Variants in GULP1 observed in about 807,000 individuals in gnomAD.
GULP1 encodes the protein PTB domain-containing engulfment adapter protein 1.
A neutral mutation model predicts 40.9 loss-of-function variants in GULP1; 19 were observed. The observed-to-expected ratio is 0.46, with a 90% CI of 0.32 to 0.68. The LOEUF (loss-of-function observed/expected upper bound fraction) is 0.68, where lower values mean the gene tolerates loss of function less well. GULP1 is among the 30% of genes least tolerant of loss of function. The pLI is 0.03. For synonymous variants in GULP1, 119 were observed against 117.6 expected (o/e 1.01, Z -0.08); for missense variants, 312 against 362.2 (o/e 0.86, Z 1.12).
At chr2:188,322,027 A>AAAAT (rs1427004517) in intron 1 of GULP1, among the ~76,000 whole-genome samples, 22 of 152,264 alleles carry the variant, frequency 1.4e-4, no homozygotes, top group Middle Eastern at 3.4e-3. Context: ...CTCTGTCTCA[A>AAAAT]AAATAAATAA....
At chr2:188,376,041 T>C (rs1008368584) in intron 1 of GULP1, among the ~76,000 whole-genome samples, 5 of 152,064 alleles carry the variant, frequency 3.3e-5, no homozygotes, top group Non-Finnish European at 7.4e-5. Flanking sequence ...CCATTTGAGT[T>C]TGATTTCAGA....
At chr2:188,551,149 G>A (rs1241162620) in intron 7 of GULP1, among the ~76,000 whole-genome samples, 1 of 151,580 alleles carries the variant, frequency 6.6e-6, no homozygotes, top group Non-Finnish European at 1.5e-5. Context: ...GTGAAACATT[G>A]TTACATGGAT....
At chr2:188,451,640 A>G (rs2058839469) in intron 2 of GULP1, among the ~76,000 whole-genome samples, 1 of 152,114 alleles carries the variant, frequency 6.6e-6, no homozygotes, top group Admixed American at 6.6e-5. Context: ...TCTCAATATT[A>G]ATGTCAAAAT....
At chr2:188,481,199 G>A (rs1172779966) in intron 3 of GULP1, among the ~76,000 whole-genome samples, 3 of 151,886 alleles carry the variant, frequency 2.0e-5, no homozygotes, top group African/African-American at 7.2e-5. Context: ...ACTCTTTCTA[G>A]AATGTCTATA....
intron 4 of GULP1, among the ~76,000 whole-genome samples, chr2:188,519,156 G>A (rs896513079): frequency 6.6e-6 from 1 of 152,084 alleles, no homozygotes; most frequent in Non-Finnish European, 1.5e-5. Context: ...TAAGTAGAGT[G>A]CTCCATATTA....
intron 1 of GULP1, among the ~76,000 whole-genome samples, chr2:188,307,485 T>C (rs958568628): frequency 6.6e-6 from 1 of 152,094 alleles, no homozygotes; most frequent in African/African-American, 2.4e-5. Flanking sequence ...GTTTACAATG[T>C]AAAATATTCA....
At chr2:188,337,729 C>A (rs562633767) in intron 1 of GULP1, among the ~76,000 whole-genome samples, 1 of 152,098 alleles carries the variant, frequency 6.6e-6, no homozygotes, top group East Asian at 1.9e-4. Context: ...ATTGTTATTT[C>A]AGTCTATTCC....
At chr2:188,462,369 A>G (rs537462618) in intron 2 of GULP1, among the ~76,000 whole-genome samples, 25 of 152,292 alleles carry the variant, frequency 1.6e-4, no homozygotes, top group Non-Finnish European at 3.7e-4. Context: ...AGAATGTTTC[A>G]TGTGCTGCAG....
chr2:188,362,173 G>T (rs1205573792), intron 1 of GULP1, among the ~76,000 whole-genome samples: 1 of 151,958 alleles, frequency 6.6e-6, no homozygotes, highest in African/African-American at 2.4e-5. Flanking sequence ...ATTTTTCTGA[G>T]CACATTACAA....
intron 1 of GULP1, among the ~76,000 whole-genome samples, chr2:188,321,272 G>C (rs2039943528): frequency 6.6e-6 from 1 of 151,994 alleles, no homozygotes; most frequent in African/African-American, 2.4e-5. Flanking sequence ...CTTTATATCT[G>C]TAATTTCTGA....
chr2:188,524,465 A>C (rs1685613981), intron 5 of GULP1, among the ~76,000 whole-genome samples: 1 of 152,068 alleles, frequency 6.6e-6, no homozygotes, highest in Non-Finnish European at 1.5e-5. Context: ...GTCTTCCAAA[A>C]GGGAGTGTAT....
intron 4 of GULP1, among the ~76,000 whole-genome samples, chr2:188,486,703 A>C (rs936320094): frequency 7.2e-5 from 11 of 151,972 alleles, no homozygotes; most frequent in African/African-American, 2.7e-4. Context: ...TAAAATAATA[A>C]ATGGTTTAAA....
At chr2:188,554,486 A>G (rs1211013773) in intron 7 of GULP1, among the ~76,000 whole-genome samples, 1 of 148,744 alleles carries the variant, frequency 6.7e-6, no homozygotes, top group Non-Finnish European at 1.5e-5. Context: ...TTTTTATTCC[A>G]TTGTGGTCTG....
chr2:188,577,345 T>G (rs1196791360), intron 9 of GULP1, among the ~76,000 whole-genome samples: 1 of 152,150 alleles, frequency 6.6e-6, no homozygotes, highest in Non-Finnish European at 1.5e-5. Context: ...TTTCTGCTAC[T>G]ATTGAAGTGA....
chr2:188,312,132 GT>G (rs1017711536), intron 1 of GULP1, among the ~76,000 whole-genome samples: 10 of 151,164 alleles, frequency 6.6e-5, no homozygotes, highest in African/African-American at 2.2e-4. Flanking sequence ...ATCTCTTTAT[GT>G]TTTTTTCTTT....
chr2:188,310,436 G>A (rs1424412372), intron 1 of GULP1, among the ~76,000 whole-genome samples: 2 of 152,174 alleles, frequency 1.3e-5, no homozygotes, highest in Admixed American at 6.6e-5. Flanking sequence ...GATTGGATGT[G>A]AGCATATCAA....
At chr2:188,328,337 A>G (rs2041052792) in intron 1 of GULP1, among the ~76,000 whole-genome samples, 1 of 152,082 alleles carries the variant, frequency 6.6e-6, no homozygotes. Context: ...ACAGTCAGGG[A>G]TCATCAATAA....
intron 7 of GULP1, among the ~76,000 whole-genome samples, chr2:188,547,197 T>A (rs1692189564): frequency 6.6e-6 from 1 of 151,728 alleles, no homozygotes; most frequent in Admixed American, 6.6e-5. Flanking sequence ...TACTTCATTT[T>A]GTGAAACTAG....
intron 2 of GULP1, among the ~76,000 whole-genome samples, chr2:188,430,456 A>G (rs2056734412): frequency 6.6e-6 from 1 of 152,222 alleles, no homozygotes; most frequent in East Asian, 1.9e-4. Context: ...ATGTGAGTTA[A>G]TCAGACATAG....
Sources: allele counts gnomAD v4.1 joint callset (sites outside exome capture counted in the v4.1 genomes callset), GRCh38; gene constraint gnomAD v4.1.1; transcripts MANE v1.5; gene names NCBI Gene and HGNC (gene_info 2026-07-23, HGNC 2026-07-21).